NTRK3: variants seen among roughly 807,000 people sequenced by gnomAD.
The protein encoded by NTRK3 is neurotrophic receptor tyrosine kinase 3.
A neutral mutation model predicts 91.7 loss-of-function variants in NTRK3; 24 were observed. The ratio of observed to expected loss-of-function variants is 0.26; its 90% CI spans 0.19 to 0.37. NTRK3 has a LOEUF of 0.37. NTRK3 is among the 10% of genes least tolerant of loss of function. NTRK3 has a pLI of 1.00. For synonymous variants in NTRK3, 483 were observed against 404.0 expected, an observed-to-expected ratio of 1.20 and a Z score of -2.34; for missense variants, 880 against 1,068.9, an observed-to-expected ratio of 0.82 and a Z score of 2.46.
At chr15:88,081,759 G>T (rs536650906) in intron 13 of NTRK3, among the ~76,000 whole-genome samples, 18 of 152,126 alleles carry the variant, frequency 1.2e-4, no homozygotes, top group African/African-American at 4.3e-4. Flanking sequence ...TCCCATGCCC[G>T]CTTGTTCCTC....
At chr15:88,136,259 T>A (rs546797170) in intron 8 of NTRK3, among the ~76,000 whole-genome samples, 3 of 152,270 alleles carry the variant, frequency 2.0e-5, no homozygotes, top group Admixed American at 1.3e-4. Context: ...TTCAGTACTA[T>A]GGCCATTTTA....
At position 88,093,874 on chromosome 15, in the gene NTRK3, A is replaced by C. The variant is rs189767618; in HGVS notation, c.1396+32397T>G. The stretch of plus-strand genomic sequence containing the variant: ...TATTAGCTTTCTACTTATCTTGTAC[A>C]TGTTGTTATCAATTATTGACTGTCT... On this transcript the variant is annotated intron_variant, in intron 13 of 18. Coordinates refer to ENST00000394480, the Ensembl canonical transcript of NTRK3. Among the ~76,000 whole-genome samples, 16 of 152,234 alleles carry C rather than the reference A, an allele frequency of 1.1e-4. No individual in the cohort carries two copies. The East Asian group carries it at 2.7e-3, about 26-fold the overall frequency.
At position 87,933,266 on chromosome 15, in the gene NTRK3, C is replaced by T. The variant is rs552104353; in HGVS notation, c.1717-82G>A. ...TCTACTCCTGGAAAGAAACTGGCCC[C>T]ACACACCACTGGGTTACCAATAAAT... On this transcript the variant is annotated intron_variant, in intron 15 of 18. Transcript: ENST00000394480. The T allele has an allele frequency of 1.3e-4, 173 of 1,353,778 alleles. No homozygotes were observed. The East Asian group carries it at 3.9e-3, about 31-fold the overall frequency. 83.9% of individuals were successfully genotyped at this position (1,353,778 alleles called of 1,614,324 possible). A position where few individuals can be genotyped will look rare whatever the true frequency, so the allele number is the denominator to read the frequency against.
In NTRK3 at chr15:88,083,512, G is replaced by A. The variant is rs537080221; in HGVS notation, c.1396+42759C>T. Among the ~76,000 whole-genome samples, 10 of 152,244 alleles carry A rather than the reference G, an allele frequency of 6.6e-5. No individual in the cohort carries two copies. In the East Asian group the frequency reaches 1.5e-3, roughly 24 times the overall value. On this transcript the variant is annotated intron_variant, in intron 13 of 18. Transcript: ENST00000394480. ...GCTGGGATTATAGGCATGAGCCACC[G>A]CGCCCGGCCAGGAGTTTTCTAATAG...
chr15:87,934,755 T>C (rs1293895270), intron 15 of NTRK3, among the ~76,000 whole-genome samples: 2 of 152,242 alleles, frequency 1.3e-5, no homozygotes, highest in East Asian at 1.9e-4. Context: ...ACTAATTAAA[T>C]GACAGACACT....
chr15:87,912,931 A>AAT (rs58367924), intron 17 of NTRK3, among the ~76,000 whole-genome samples: 1,148 of 36,186 alleles, frequency 0.032, 45 homozygotes, highest in Middle Eastern at 0.043. Context: ...AGTAAAAAAA[A>AAT]ATATATATAT....
chr15:88,008,227 A>G (rs973221174), intron 14 of NTRK3, among the ~76,000 whole-genome samples: 3 of 152,160 alleles, frequency 2.0e-5, no homozygotes, highest in Non-Finnish European at 4.4e-5. Flanking sequence ...GAGAAGTTCC[A>G]TGTGTTCAAT....
At chr15:88,217,153 G>C (rs1038118907) in intron 3 of NTRK3, among the ~76,000 whole-genome samples, 2 of 152,290 alleles carry the variant, frequency 1.3e-5, no homozygotes, top group South Asian at 4.1e-4. Context: ...TTAGGCTGCT[G>C]GTGGTAATGT....
chr15:88,164,746 C>T (rs1400847953), intron 5 of NTRK3, among the ~76,000 whole-genome samples: 1 of 152,140 alleles, frequency 6.6e-6, no homozygotes, highest in East Asian at 1.9e-4. Context: ...CTTTTAATTA[C>T]ACTTCTCTGC....
chr15:87,881,815 A>C lies in NTRK3; in HGVS notation c.2134-1387T>G, dbSNP rs188649252. Among the ~76,000 whole-genome samples, 22 of 152,312 alleles carry C rather than the reference A, an allele frequency of 1.4e-4. No homozygotes were observed. The East Asian group carries it at 4.2e-3, about 29-fold the overall frequency. On this transcript the variant is annotated intron_variant, in intron 17 of 18. Transcript: ENST00000394480. ...GGAGATGGGCAATCTTGTTTCCAAA[A>C]AGGGAAATCATGTTTGCCTTAACCA...
intron 13 of NTRK3, among the ~76,000 whole-genome samples, chr15:88,114,557 G>A (rs759926493): frequency 1.8e-4 from 28 of 152,294 alleles, no homozygotes; most frequent in South Asian, 8.3e-4. Flanking sequence ...ATAGAATGCA[G>A]TAGATCTCTA....
chr15:88,197,643 G>A (rs535305237), intron 3 of NTRK3, among the ~76,000 whole-genome samples: 1 of 152,194 alleles, frequency 6.6e-6, no homozygotes, highest in Non-Finnish European at 1.5e-5. Context: ...CCTGAGGCTT[G>A]AATCCAGCTG....
chr15:88,211,052 A>G (rs1318192745), intron 3 of NTRK3, among the ~76,000 whole-genome samples: 1 of 152,252 alleles, frequency 6.6e-6, no homozygotes, highest in African/African-American at 2.4e-5. Context: ...AAAATTAGCC[A>G]TCTTAACATG....
intron 6 of NTRK3, among the ~76,000 whole-genome samples, chr15:88,140,712 T>A (rs1303282348): frequency 3.9e-5 from 6 of 152,156 alleles, no homozygotes; most frequent in African/African-American, 9.7e-5. Context: ...CATGAGAGGA[T>A]GAGAGTGAAA....
At chr15:88,011,069 A>T (rs1444566195) in intron 14 of NTRK3, among the ~76,000 whole-genome samples, 1 of 152,062 alleles carries the variant, frequency 6.6e-6, no homozygotes, top group Non-Finnish European at 1.5e-5. Flanking sequence ...TTGTTGAGGG[A>T]TATTTTCTTA....
chr15:87,996,795 C>T (rs2075737334), intron 14 of NTRK3, among the ~76,000 whole-genome samples: 1 of 152,208 alleles, frequency 6.6e-6, no homozygotes, highest in African/African-American at 2.4e-5. Context: ...ATACTCTACT[C>T]AGTTTAGAGC....
At chr15:88,081,159 G>A (rs7174756) in intron 13 of NTRK3, among the ~76,000 whole-genome samples, 4,649 of 152,248 alleles carry the variant, frequency 0.031, 228 homozygotes, top group African/African-American at 0.1. Context: ...TCCCTCCTGC[G>A]TGAGTGTGCC....
chr15:88,254,670 AGGCAGGTCC>A (rs2053812191), intron 3 of NTRK3, among the ~76,000 whole-genome samples: 2 of 152,160 alleles, frequency 1.3e-5, no homozygotes, highest in African/African-American at 2.4e-5. Flanking sequence ...GCAGCACCAA[AGGCAGGTCC>A]GGCCCCCTTA....
intron 17 of NTRK3, among the ~76,000 whole-genome samples, chr15:87,893,778 C>G (rs1228457335): frequency 6.6e-6 from 1 of 152,160 alleles, no homozygotes; most frequent in African/African-American, 2.4e-5. Context: ...CGAAGTAACC[C>G]ATATTCCAGA....
Sources: allele counts gnomAD v4.1 joint callset (sites outside exome capture counted in the v4.1 genomes callset), GRCh38; gene constraint gnomAD v4.1.1; transcripts MANE v1.5; gene names NCBI Gene and HGNC (gene_info 2026-07-23, HGNC 2026-07-21).